Variants in FYB1 observed in about 807,000 individuals in gnomAD.
FYB1 encodes FYN-binding protein 1.
Under a neutral mutation model 94.1 loss-of-function variants are expected in FYB1, and 41 were observed. That is an observed-to-expected ratio of 0.44 (90% confidence interval 0.34 to 0.57). The LOEUF is 0.57. Among genes scored for constraint, FYB1 ranks in the 20% least tolerant of loss-of-function variants. FYB1 has a pLI of 0.02. For synonymous variants in FYB1, 367 were observed against 353.2 expected (o/e 1.04, Z -0.44); for missense variants, 1,050 against 976.8 (o/e 1.07, Z -1.00).
intron 2 of FYB1, among the ~76,000 whole-genome samples, chr5:39,189,544 A>G (rs1177999857): frequency 6.6e-6 from 1 of 152,220 alleles, no homozygotes; most frequent in East Asian, 1.9e-4. Flanking sequence ...GCTGTGTTGA[A>G]GGGTTCAGCT....
At chr5:39,222,045 A>AAATAAAATAAAAT (rs1186243510), upstream of FYB1, among the ~76,000 whole-genome samples, 1,494 of 152,122 alleles carry the variant, frequency 9.8e-3, 23 homozygotes, top group African/African-American at 0.034. Flanking sequence ...AAATAAAATA[A>AAATAAAATAAAAT]AATAAAATGA....
intron 2 of FYB1, among the ~76,000 whole-genome samples, chr5:39,159,377 A>C (rs1445743897): frequency 6.6e-6 from 1 of 152,188 alleles, no homozygotes; most frequent in Non-Finnish European, 1.5e-5. Context: ...TGAACTCTGC[A>C]CTAAGTAGTT....
At chr5:39,123,616 T>C (rs1391297933) in intron 13 of FYB1, among the ~76,000 whole-genome samples, 1 of 152,138 alleles carries the variant, frequency 6.6e-6, no homozygotes, top group South Asian at 2.1e-4. Flanking sequence ...AAAGGGTCTA[T>C]AGAAGAATAG....
intron 2 of FYB1, among the ~76,000 whole-genome samples, chr5:39,179,874 T>C (rs1746063109): frequency 6.6e-6 from 1 of 152,172 alleles, no homozygotes; most frequent in Non-Finnish European, 1.5e-5. Flanking sequence ...TTCCCTCACT[T>C]GCCTGGTTTA....
chr5:39,133,520 G>C (rs1044359641), intron 9 of FYB1, among the ~76,000 whole-genome samples: 3 of 152,104 alleles, frequency 2.0e-5, no homozygotes, highest in Non-Finnish European at 4.4e-5. Flanking sequence ...GAGATGGAGA[G>C]AGGAAAGAAG....
chr5:39,241,830 C>T (rs1158434426), intron 1 of FYB1, among the ~76,000 whole-genome samples: 2 of 147,724 alleles, frequency 1.4e-5, no homozygotes, highest in Non-Finnish European at 1.5e-5. Flanking sequence ...AGTTTAAGCT[C>T]TTTTTTTTTT....
chr5:39,194,973 C>T (rs1174274804), intron 2 of FYB1, among the ~76,000 whole-genome samples: 1 of 152,144 alleles, frequency 6.6e-6, no homozygotes, highest in Non-Finnish European at 1.5e-5. Flanking sequence ...AAGTGTGCAC[C>T]AGGTCCTGGG....
At chr5:39,135,095 A>T in intron 7 of FYB1, 81 bp from the exon 8 acceptor site, 1 of 1,459,452 alleles carries the variant, frequency 6.9e-7, no homozygotes, top group Non-Finnish European at 9.4e-7. Flanking sequence ...GAAAGATATA[A>T]GTCTACAACT....
At chr5:39,233,959 C>T (rs138171511) in intron 1 of FYB1, among the ~76,000 whole-genome samples, 1 of 152,178 alleles carries the variant, frequency 6.6e-6, no homozygotes. Context: ...CTTGATGACT[C>T]CCAGGCATCT....
intron 1 of FYB1, among the ~76,000 whole-genome samples, chr5:39,240,022 C>A (rs1751135248): frequency 6.6e-6 from 1 of 152,122 alleles, no homozygotes; most frequent in African/African-American, 2.4e-5. Flanking sequence ...AGTAAAGCTG[C>A]ACACCTACAA....
intron 2 of FYB1, among the ~76,000 whole-genome samples, chr5:39,168,415 CT>C (rs1040435644): frequency 2.6e-5 from 4 of 152,008 alleles, no homozygotes; most frequent in African/African-American, 7.2e-5. Context: ...CTTCCATTAA[CT>C]TTTTTTTAGA....
intron 16 of FYB1, among the ~76,000 whole-genome samples, chr5:39,115,220 C>G (rs1288252875): frequency 6.6e-6 from 1 of 151,844 alleles, no homozygotes; most frequent in Admixed American, 6.6e-5. Flanking sequence ...CTCAGCCTCT[C>G]TAGTAGCTGG....
chr5:39,193,130 TG>T (rs1410005705), intron 2 of FYB1, among the ~76,000 whole-genome samples: 3 of 151,968 alleles, frequency 2.0e-5, no homozygotes, highest in African/African-American at 7.3e-5. Context: ...GTAGGAGACT[TG>T]GGGAGGGGTT....
intron 2 of FYB1, among the ~76,000 whole-genome samples, chr5:39,184,047 C>A (rs2150434252): frequency 6.6e-6 from 1 of 152,096 alleles, no homozygotes; most frequent in South Asian, 2.1e-4. Flanking sequence ...CTGGCAAACC[C>A]AGTATTATAT....
At chr5:39,251,273 C>T (rs1298387355) in intron 1 of FYB1, among the ~76,000 whole-genome samples, 1 of 152,108 alleles carries the variant, frequency 6.6e-6, no homozygotes, top group Non-Finnish European at 1.5e-5. Flanking sequence ...TGATACATAG[C>T]CCAACACTTT....
rs779467103 is a variant in FYB1 at position 39,270,208 on chromosome 5, A to ACT, written c.-28+4193_-28+4194dup. Among the ~76,000 whole-genome samples, 13 of 152,292 alleles carry ACT rather than the reference A, an allele frequency of 8.5e-5. No individual in the cohort carries two copies. The South Asian group carries it at 2.7e-3, about 32-fold the overall frequency. ...TCATTAATGTTTCCCAACATTCGCC[A>ACT]CTGGAGTCCTTTCCTGGGATCCAAA... is the stretch of plus-strand genomic sequence containing the variant. On this transcript the variant is annotated intron_variant, in intron 1 of 1. Coordinates refer to the FYB1 transcript ENST00000510188.
intron 16 of FYB1, among the ~76,000 whole-genome samples, chr5:39,111,450 T>G (rs1392350625): frequency 2.0e-5 from 3 of 151,856 alleles, no homozygotes; most frequent in Non-Finnish European, 4.4e-5. Flanking sequence ...CTTACGTAAA[T>G]GTATTGATGT....
At chr5:39,117,739 G>T (rs909499767) in intron 16 of FYB1, among the ~76,000 whole-genome samples, 9 of 152,180 alleles carry the variant, frequency 5.9e-5, no homozygotes, top group African/African-American at 2.2e-4. Context: ...TTTCCATGCA[G>T]ATTGACCAAG....
intron 1 of FYB1, among the ~76,000 whole-genome samples, chr5:39,207,978 T>C (rs1749013464): frequency 6.6e-6 from 1 of 152,230 alleles, no homozygotes; most frequent in Non-Finnish European, 1.5e-5. Context: ...GCTAATTCTA[T>C]TGCTCTTGAA....
Sources: allele counts gnomAD v4.1 joint callset (sites outside exome capture counted in the v4.1 genomes callset), GRCh38; gene constraint gnomAD v4.1.1; transcripts MANE v1.5; gene names NCBI Gene and HGNC (gene_info 2026-07-23, HGNC 2026-07-21).